Variants in POU6F2 observed in about 807,000 individuals in gnomAD.
POU6F2 encodes the protein POU class 6 homeobox 2, also known as POU domain, class 6, transcription factor 2.
POU6F2 carries 31 observed loss-of-function variants against 71.3 expected under a neutral mutation model. The observed-to-expected ratio is 0.43, with a 90% CI of 0.33 to 0.59. The LOEUF (loss-of-function observed/expected upper bound fraction) is 0.59. POU6F2 is among the 20% of genes least tolerant of loss of function. POU6F2 has a pLI of 0.04. For missense variants in POU6F2, 783 were observed against 856.8 expected (o/e 0.91, Z 1.07); for synonymous variants, 347 against 355.7 (o/e 0.98, Z 0.27).
intron 4 of POU6F2, among the ~76,000 whole-genome samples, chr7:39,316,409 C>T (rs1269578669): frequency 6.6e-6 from 1 of 152,128 alleles, no homozygotes; most frequent in East Asian, 1.9e-4. Context: ...ATGCGAATAC[C>T]TGACAGTAAA....
chr7:39,141,853 C>T (rs1441795920), intron 2 of POU6F2, among the ~76,000 whole-genome samples: 1 of 152,060 alleles, frequency 6.6e-6, no homozygotes, highest in Non-Finnish European at 1.5e-5. Flanking sequence ...TTTGGGAGGC[C>T]GAGGTGAGCG....
intron 4 of POU6F2, among the ~76,000 whole-genome samples, chr7:39,325,409 T>G (rs969816918): frequency 6.6e-6 from 1 of 152,204 alleles, no homozygotes; most frequent in Non-Finnish European, 1.5e-5. Context: ...AATTGTTGTA[T>G]ATGAACAAAA....
At chr7:39,094,401 A>G (rs1447995567) in intron 2 of POU6F2, among the ~76,000 whole-genome samples, 1 of 152,178 alleles carries the variant, frequency 6.6e-6, no homozygotes, top group Non-Finnish European at 1.5e-5. Context: ...CACAATATAA[A>G]TATTTATCCT....
intron 4 of POU6F2, among the ~76,000 whole-genome samples, chr7:39,261,631 A>C (rs62453447): frequency 1.3e-5 from 2 of 152,048 alleles, no homozygotes; most frequent in Admixed American, 1.3e-4. Context: ...ACAGCCTGTA[A>C]GTGGCAGAGG....
intron 5 of POU6F2, among the ~76,000 whole-genome samples, chr7:39,380,581 A>G (rs548747944): frequency 6.6e-6 from 1 of 152,370 alleles, no homozygotes; most frequent in South Asian, 2.1e-4. Context: ...TAAGGACAAC[A>G]TCAGTGTGAG....
intron 1 of POU6F2, among the ~76,000 whole-genome samples, chr7:38,993,494 G>A (rs1386235486): frequency 2.9e-5 from 4 of 137,352 alleles, no homozygotes; most frequent in Middle Eastern, 3.8e-3. Context: ...GACTGAAATC[G>A]GGATTTCTCA....
chr7:39,254,740 G>T (rs1783987322), intron 4 of POU6F2, among the ~76,000 whole-genome samples: 1 of 152,128 alleles, frequency 6.6e-6, no homozygotes, highest in Admixed American at 6.5e-5. Flanking sequence ...GTTGCAAAAG[G>T]TCTCTCGGTA....
intron 2 of POU6F2, among the ~76,000 whole-genome samples, chr7:39,145,981 C>T (rs1445748672): frequency 2.0e-5 from 3 of 152,150 alleles, no homozygotes; most frequent in East Asian, 3.9e-4. Flanking sequence ...AAACAAATAC[C>T]TATTGAGTGC....
At chr7:39,369,963 C>T (rs1786576443) in intron 5 of POU6F2, among the ~76,000 whole-genome samples, 1 of 152,014 alleles carries the variant, frequency 6.6e-6, no homozygotes, top group East Asian at 1.9e-4. Context: ...CAAAGTACTG[C>T]CACCGCACCC....
At chr7:39,448,922 A>C (rs774089501) in intron 7 of POU6F2, among the ~76,000 whole-genome samples, 1 of 152,248 alleles carries the variant, frequency 6.6e-6, no homozygotes, top group Non-Finnish European at 1.5e-5. Flanking sequence ...CAAATTAAAA[A>C]TAGATTTAAT....
chr7:38,997,617 G>A (rs557618230), intron 1 of POU6F2, among the ~76,000 whole-genome samples: 1 of 152,246 alleles, frequency 6.6e-6, no homozygotes, highest in East Asian at 1.9e-4. Context: ...ATGTAGATAT[G>A]TGTTCAGCAC....
At chr7:39,403,717 C>T (rs1193438095) in intron 5 of POU6F2, among the ~76,000 whole-genome samples, 1 of 152,204 alleles carries the variant, frequency 6.6e-6, no homozygotes, top group East Asian at 1.9e-4. Flanking sequence ...ATGAGAAGAA[C>T]ACGTGTGGTT....
intron 1 of POU6F2, chr7:39,006,795 T>A (rs1789084468): frequency 6.3e-7 from 1 of 1,585,198 alleles, no homozygotes; most frequent in South Asian, 1.1e-5. Flanking sequence ...TGTTTGCTGT[T>A]TACTGTCAAG....
intron 4 of POU6F2, among the ~76,000 whole-genome samples, chr7:39,329,337 T>C (rs1785587022): frequency 6.6e-6 from 1 of 151,330 alleles, no homozygotes; most frequent in Non-Finnish European, 1.5e-5. Flanking sequence ...ATGATTGTGC[T>C]TTCACCAACC....
chr7:39,098,643 C>G (rs185312403), intron 2 of POU6F2, among the ~76,000 whole-genome samples: 2 of 152,086 alleles, frequency 1.3e-5, no homozygotes, highest in African/African-American at 4.8e-5. Context: ...GGCTTGAGTC[C>G]GGCTCTACCA....
At chr7:39,372,095 A>T (rs1786624556) in intron 5 of POU6F2, among the ~76,000 whole-genome samples, 1 of 151,996 alleles carries the variant, frequency 6.6e-6, no homozygotes, top group African/African-American at 2.4e-5. Flanking sequence ...ATTTTTTAAA[A>T]TTTTTTGTAG....
chr7:39,267,781 A>AGT (rs1254649312), intron 4 of POU6F2, among the ~76,000 whole-genome samples: 1 of 152,112 alleles, frequency 6.6e-6, no homozygotes, highest in African/African-American at 2.4e-5. Context: ...AAATTTCTGA[A>AGT]GTTTAACTGA....
intron 7 of POU6F2, among the ~76,000 whole-genome samples, chr7:39,443,057 C>G (rs575675358): frequency 6.6e-6 from 1 of 152,204 alleles, no homozygotes; most frequent in South Asian, 2.1e-4. Context: ...TCCATAGTCT[C>G]TCTCACAGGC....
At chr7:39,227,990 G>C (rs1383984333) in intron 4 of POU6F2, among the ~76,000 whole-genome samples, 1 of 152,154 alleles carries the variant, frequency 6.6e-6, no homozygotes, top group Non-Finnish European at 1.5e-5. Context: ...GGGAAGGAGA[G>C]AGGACGGGGT....
Sources: allele counts gnomAD v4.1 joint callset (sites outside exome capture counted in the v4.1 genomes callset), GRCh38; gene constraint gnomAD v4.1.1; transcripts MANE v1.5; gene names NCBI Gene and HGNC (gene_info 2026-07-23, HGNC 2026-07-21).